The following ATP11A variants were observed in gnomAD, a reference collection of about 807,000 sequenced individuals.
ATP11A encodes the protein phospholipid-transporting ATPase IH.
Under a neutral mutation model 154.4 loss-of-function variants are expected in ATP11A, and 81 were observed. The observed-to-expected ratio is 0.52, with a 90% CI of 0.44 to 0.63. The LOEUF is 0.63. Among genes scored for constraint, ATP11A ranks in the 30% least tolerant of loss-of-function variants. The pLI, the probability that ATP11A is intolerant of heterozygous loss-of-function variation, is 0.00. For missense variants in ATP11A, 1,316 were observed against 1,474.3 expected, an observed-to-expected ratio of 0.89 and a Z score of 1.76; for synonymous variants, 623 against 585.9, an observed-to-expected ratio of 1.06 and a Z score of -0.91.
chr13:112,779,165 A>C (rs1186231251), intron 1 of ATP11A, among the ~76,000 whole-genome samples: 1 of 108,158 alleles, frequency 9.2e-6, no homozygotes, highest in African/African-American at 3.7e-5. Flanking sequence ...AGGAGTAGCC[A>C]CTGGAGTACG....
chr13:112,839,259 C>T (rs978962998), intron 16 of ATP11A, among the ~76,000 whole-genome samples: 1 of 151,796 alleles, frequency 6.6e-6, no homozygotes, highest in East Asian at 1.9e-4. Context: ...AAGACCGACT[C>T]GAAAGAAGAA....
rs534295290 is a variant in ATP11A, at chr13:112,721,735, G to A, written c.39+31280G>A. ...GGGGTCATGAACCTGTCTCCTGCCC[G>A]CCTCTTCTGGCCCCCAGCGAATGAC... On this transcript the variant is annotated intron_variant, in intron 1 of 29. Transcript: ENST00000375645. 4.6e-5 allele frequency among the ~76,000 whole-genome samples: 7 copies of A among 152,324 alleles called. No individual in the cohort carries two copies. The East Asian group carries it at 7.7e-4, about 17-fold the overall frequency.
chr13:112,846,161 T>C (rs1365881565), intron 17 of ATP11A, among the ~76,000 whole-genome samples: 1 of 152,186 alleles, frequency 6.6e-6, no homozygotes, highest in Non-Finnish European at 1.5e-5. Flanking sequence ...TGTGTTTCTT[T>C]GCTCAGCCGT....
intron 25 of ATP11A, among the ~76,000 whole-genome samples, chr13:112,865,030 C>G (rs560176562): frequency 6.8e-6 from 1 of 147,028 alleles, no homozygotes; most frequent in Non-Finnish European, 1.5e-5. Flanking sequence ...TCACCACGTG[C>G]GCAATAATTC....
intron 16 of ATP11A, among the ~76,000 whole-genome samples, chr13:112,836,614 T>C (rs2079241750): frequency 6.6e-6 from 1 of 152,186 alleles, no homozygotes; most frequent in Non-Finnish European, 1.5e-5. Context: ...ACATAAAATG[T>C]TTTTAAATAA....
chr13:112,810,037 C>T (rs1437491215), intron 4 of ATP11A, among the ~76,000 whole-genome samples: 1 of 152,180 alleles, frequency 6.6e-6, no homozygotes, highest in Admixed American at 6.5e-5. Flanking sequence ...TACTCAGATG[C>T]GGAAACGCAC....
chr13:112,764,379 C>T (rs1455022186), intron 1 of ATP11A, among the ~76,000 whole-genome samples: 1 of 152,202 alleles, frequency 6.6e-6, no homozygotes, highest in Non-Finnish European at 1.5e-5. Context: ...GTGCAGGTAG[C>T]CCTGTTCCTT....
intron 5 of ATP11A, among the ~76,000 whole-genome samples, chr13:112,813,073 T>C (rs150517658): frequency 1.8e-4 from 28 of 152,316 alleles, no homozygotes; most frequent in Admixed American, 1.1e-3. Flanking sequence ...AAGAGGATGC[T>C]AAACAGGCTA....
chr13:112,726,133 G>A (rs1247668543), intron 1 of ATP11A, among the ~76,000 whole-genome samples: 6 of 152,274 alleles, frequency 3.9e-5, no homozygotes, highest in African/African-American at 7.2e-5. Context: ...GGTGTATGCC[G>A]GGGATGGGGC....
intron 5 of ATP11A, among the ~76,000 whole-genome samples, chr13:112,814,853 A>G (rs942592184): frequency 2.6e-5 from 4 of 152,152 alleles, no homozygotes; most frequent in African/African-American, 7.2e-5. Context: ...GCCTTCCCAT[A>G]TAAGTTTTAG....
At chr13:112,726,649 C>T (rs926815395) in intron 1 of ATP11A, among the ~76,000 whole-genome samples, 2 of 152,294 alleles carry the variant, frequency 1.3e-5, no homozygotes, top group African/African-American at 4.8e-5. Flanking sequence ...GGACAGAAAA[C>T]AGAGCCAATC....
At chr13:112,881,559 A>G (rs2080885208) in intron 29 of ATP11A, 2 of 1,148,794 alleles carry the variant, frequency 1.7e-6, no homozygotes, top group Non-Finnish European at 2.2e-6. Flanking sequence ...GGATGGTGGG[A>G]CAGGGGGACG....
chr13:112,777,696 C>T (rs7328491), intron 1 of ATP11A, among the ~76,000 whole-genome samples: 21,006 of 152,230 alleles, frequency 0.14, 1,606 homozygotes, highest in East Asian at 0.23. Flanking sequence ...TGCCCCTCTG[C>T]GAAGCCCCCT....
chr13:112,761,917 G>A (rs1173496336), intron 1 of ATP11A, among the ~76,000 whole-genome samples: 1 of 152,188 alleles, frequency 6.6e-6, no homozygotes, highest in East Asian at 1.9e-4. Flanking sequence ...GGCCTCCCCA[G>A]GGACATTTTG....
chr13:112,882,239 A>G lies in ATP11A; in HGVS notation c.*373A>G, dbSNP rs1348875758. The G allele has an allele frequency of 2.3e-5, 18 of 778,890 alleles. No individual in the cohort carries two copies. The highest frequency in any genetic ancestry group is 3.6e-5 in the African/African-American group (2 of 55,394). The allele number at this position is 778,890 out of a possible 1,614,324, so 48.2% of individuals were successfully genotyped here. ...GGGCATTCGGCTCAACGCAGGAGGG[A>G]CATTCTGCTGGCCCACCCTGCGCGC... On this transcript the variant is annotated 3_prime_UTR_variant, in exon 30 of 30. Coordinates refer to ENST00000375645, the MANE Select transcript of ATP11A (RefSeq NM_015205.3). This position sits in a 1 kb window ranked among gnomAD's most constrained non-coding sequence, Gnocchi z 5.1.
Position 112,841,619 on chromosome 13 carries a change from G to A in ATP11A, c.1706-657G>A, listed in dbSNP as rs372683706. Among the ~76,000 whole-genome samples the A allele has an allele frequency of 8.0e-4, 122 of 152,136 alleles. 1 individual carries two copies. In the South Asian group the frequency reaches 0.024, roughly 30 times the overall value. On this transcript the variant is annotated intron_variant, in intron 16 of 29. Transcript: ENST00000375645. ...ACCTGGCAGAGTGCCACGTGGCTTC[G>A]CCGTCCAGGGATGCTTCAGGTGCAG...
chr13:112,762,443 G>A (rs536775222), intron 1 of ATP11A, among the ~76,000 whole-genome samples: 1 of 152,214 alleles, frequency 6.6e-6, no homozygotes, highest in East Asian at 1.9e-4. Context: ...ATGGGCCCCC[G>A]AGACTGCTGT....
At chr13:112,809,861 A>G (rs1479120103) in intron 4 of ATP11A, among the ~76,000 whole-genome samples, 3 of 152,162 alleles carry the variant, frequency 2.0e-5, no homozygotes, top group Non-Finnish European at 4.4e-5. Context: ...TGACTGTCCA[A>G]CCAGAGGGTG....
At chr13:112,869,583 G>A (rs781370652) in intron 25 of ATP11A, among the ~76,000 whole-genome samples, 3 of 152,240 alleles carry the variant, frequency 2.0e-5, no homozygotes, top group African/African-American at 4.8e-5. Flanking sequence ...TCAGAGTTCT[G>A]TGTTGGGATG....
Sources: gnomAD v4.1 joint callset for allele counts (sites outside exome capture counted in the v4.1 genomes callset) on GRCh38, gnomAD v4.1.1 for gene constraint, Gnocchi (gnomAD v3.1) non-coding constraint, MANE v1.5 for transcripts, NCBI Gene and HGNC (gene_info 2026-07-23, HGNC 2026-07-21) for gene names.